Variants in GRM8 observed in about 807,000 individuals in gnomAD.
GRM8 encodes the protein glutamate metabotropic receptor 8.
A neutral mutation model predicts 87.2 loss-of-function variants in GRM8; 47 were observed. That is an observed-to-expected ratio of 0.54 (90% CI 0.43 to 0.69). The LOEUF is 0.69. Ranked by LOEUF, GRM8 falls within the 30% of genes least tolerant of loss-of-function variation. The pLI is 0.00. For synonymous variants in GRM8, 396 were observed against 404.5 expected (o/e 0.98, Z 0.25); for missense variants, 1,019 against 1,139.2 (o/e 0.89, Z 1.52).
chr7:126,764,169 T>C (rs561398084), intron 7 of GRM8, among the ~76,000 whole-genome samples: 89 of 152,048 alleles, frequency 5.9e-4, no homozygotes, highest in African/African-American at 2.1e-3. Flanking sequence ...ATCTTTGTCA[T>C]TTTTGTTTCA....
At chr7:126,613,285 ATT>A (rs10713342) in intron 7 of GRM8, among the ~76,000 whole-genome samples, 6 of 151,258 alleles carry the variant, frequency 4.0e-5, no homozygotes, top group South Asian at 4.2e-4. Context: ...TAAGTGGCGA[ATT>A]TTTTTTTTGT....
At chr7:126,619,659 G>C (rs866827980) in intron 7 of GRM8, among the ~76,000 whole-genome samples, 1 of 151,928 alleles carries the variant, frequency 6.6e-6, no homozygotes, top group Non-Finnish European at 1.5e-5. Context: ...CTATACGTTA[G>C]GTATTTCATA....
chr7:127,248,725 C>G (rs998321877), intron 1 of GRM8, among the ~76,000 whole-genome samples: 2 of 152,318 alleles, frequency 1.3e-5, no homozygotes, highest in East Asian at 1.9e-4. Flanking sequence ...TGTCCTAGAA[C>G]TAAAATATGT....
chr7:126,958,312 C>A (rs750460460), intron 3 of GRM8, among the ~76,000 whole-genome samples: 4 of 152,176 alleles, frequency 2.6e-5, no homozygotes, highest in Non-Finnish European at 4.4e-5. Flanking sequence ...GTGAGAAGAG[C>A]TGCAGCCCTT....
chr7:126,480,460 G>A (rs528085499), intron 9 of GRM8, among the ~76,000 whole-genome samples: 54 of 152,196 alleles, frequency 3.5e-4, no homozygotes, highest in African/African-American at 1.3e-3. Flanking sequence ...GACAAAATCA[G>A]TTGTACACAA....
chr7:127,103,340 C>A (rs964343561), intron 3 of GRM8, among the ~76,000 whole-genome samples: 1 of 152,158 alleles, frequency 6.6e-6, no homozygotes, highest in Non-Finnish European at 1.5e-5. Context: ...GGGGGCAGAT[C>A]TCTCATTGCT....
chr7:127,022,692 C>CA (rs1264136153), intron 3 of GRM8, among the ~76,000 whole-genome samples: 9 of 151,830 alleles, frequency 5.9e-5, no homozygotes, highest in African/African-American at 9.7e-5. Flanking sequence ...TTTTACTAAT[C>CA]AAAAAAATCT....
intron 2 of GRM8, among the ~76,000 whole-genome samples, chr7:127,129,438 C>T (rs771317425): frequency 2.0e-5 from 3 of 152,138 alleles, no homozygotes; most frequent in Non-Finnish European, 4.4e-5. Context: ...TTAATCATCA[C>T]TTTATTATAT....
chr7:127,046,642 G>T (rs561039611), intron 3 of GRM8, among the ~76,000 whole-genome samples: 1 of 152,234 alleles, frequency 6.6e-6, no homozygotes, highest in East Asian at 1.9e-4. Flanking sequence ...ATTATTAAAA[G>T]AATATTAATT....
At chr7:127,131,913 T>G (rs139751083) in intron 2 of GRM8, among the ~76,000 whole-genome samples, 4 of 152,338 alleles carry the variant, frequency 2.6e-5, no homozygotes, top group African/African-American at 9.6e-5. Flanking sequence ...AACTCTTAAA[T>G]GCAAGAGTAA....
intron 9 of GRM8, among the ~76,000 whole-genome samples, chr7:126,530,958 G>A (rs566415862): frequency 2.6e-5 from 4 of 152,212 alleles, no homozygotes; most frequent in Non-Finnish European, 4.4e-5. Flanking sequence ...ATAGGTGCAC[G>A]ACACCATGCC....
intron 7 of GRM8, among the ~76,000 whole-genome samples, chr7:126,688,429 T>C (rs1254841261): frequency 6.6e-6 from 1 of 152,082 alleles, no homozygotes; most frequent in East Asian, 1.9e-4. Flanking sequence ...AGGTCGGTGA[T>C]GAATAGAGCC....
chr7:126,655,255 T>A (rs184206211), intron 7 of GRM8, among the ~76,000 whole-genome samples: 3 of 152,308 alleles, frequency 2.0e-5, no homozygotes, highest in Admixed American at 2.0e-4. Context: ...ACCCACTGTA[T>A]CAGATCATCT....
intron 3 of GRM8, among the ~76,000 whole-genome samples, chr7:126,949,678 G>T (rs1807924090): frequency 6.6e-6 from 1 of 152,110 alleles, no homozygotes; most frequent in East Asian, 1.9e-4. Context: ...TGAGAATAAA[G>T]CTAGATCTTT....
rs577371425 is a variant in GRM8, at chr7:127,116,231, A to G, written c.511-9519T>C. Among the ~76,000 whole-genome samples the G allele has an allele frequency of 9.2e-5, 14 of 152,318 alleles. No individual in the cohort carries two copies. In the South Asian group the frequency reaches 2.3e-3, roughly 25 times the overall value. On this transcript the variant is annotated intron_variant, in intron 2 of 10. Transcript: ENST00000339582. ...TAAAAAATTGAACAGTTTTATTTAAATTTCCATATATTTCAGTACTCTGTG... is the reference window on the plus strand; with the variant it reads ...TAAAAAATTGAACAGTTTTATTTAAGTTTCCATATATTTCAGTACTCTGTG...
chr7:126,825,169 A>T (rs1794645299), intron 6 of GRM8, among the ~76,000 whole-genome samples: 1 of 152,048 alleles, frequency 6.6e-6, no homozygotes, highest in Admixed American at 6.6e-5. Flanking sequence ...CTGGGTTCAA[A>T]TGATTCTCCT....
chr7:126,839,284 C>T (rs774404304), intron 6 of GRM8, among the ~76,000 whole-genome samples: 4 of 152,164 alleles, frequency 2.6e-5, no homozygotes, highest in Non-Finnish European at 5.9e-5. Flanking sequence ...TACAACATCA[C>T]CTGAGAGCTT....
At chr7:127,133,188 G>C (rs1307012654) in intron 2 of GRM8, among the ~76,000 whole-genome samples, 3 of 152,026 alleles carry the variant, frequency 2.0e-5, no homozygotes. Context: ...GGAAGGCCAA[G>C]GTGGGCAGAT....
At chr7:126,833,611 C>T (rs1218649030) in intron 6 of GRM8, among the ~76,000 whole-genome samples, 2 of 152,112 alleles carry the variant, frequency 1.3e-5, no homozygotes, top group Non-Finnish European at 2.9e-5. Flanking sequence ...AGAGGAAGCC[C>T]GTGTGTCTCT....
Sources: gnomAD v4.1 joint callset for allele counts (sites outside exome capture counted in the v4.1 genomes callset) on GRCh38, gnomAD v4.1.1 for gene constraint, MANE v1.5 for transcripts, NCBI Gene and HGNC (gene_info 2026-07-23, HGNC 2026-07-21) for gene names.